Variants in SPATA6 observed in about 807,000 individuals in gnomAD.
SPATA6 encodes spermatogenesis-associated protein 6.
SPATA6 carries 56 observed loss-of-function variants against 65.3 expected under a neutral mutation model. That is an observed-to-expected ratio of 0.86 (90% CI 0.69 to 1.07). SPATA6 has a LOEUF of 1.07. SPATA6 is among the 50% of genes least tolerant of loss of function. The probability of loss-of-function intolerance (pLI) is 0.00; values close to 1 mark genes in which losing one functional copy is unlikely to be tolerated. For synonymous variants in SPATA6, 199 were observed against 213.2 expected, an observed-to-expected ratio of 0.93 and a Z score of 0.58; for missense variants, 590 against 594.8, an observed-to-expected ratio of 0.99 and a Z score of 0.08.
At chr1:48,471,928 C>T (rs1658287587) in intron 1 of SPATA6, 30 bp downstream of exon 1, 1 of 1,609,122 alleles carries the variant, frequency 6.2e-7, no homozygotes, top group Non-Finnish European at 8.5e-7. Context: ...GAGCCAATGC[C>T]CGGGGGTGGG....
At chr1:48,323,684 T>C (rs1645670030) in intron 11 of SPATA6, among the ~76,000 whole-genome samples, 1 of 144,272 alleles carries the variant, frequency 6.9e-6, no homozygotes. Context: ...TTACAAAAGA[T>C]ATGGCAGAAT....
At chr1:48,304,154 C>G (rs75020565) in intron 12 of SPATA6, among the ~76,000 whole-genome samples, 10,077 of 152,228 alleles carry the variant, frequency 0.066, 420 homozygotes, top group Non-Finnish European at 0.093. Flanking sequence ...AAAATAATAT[C>G]CTAATCATTT....
intron 11 of SPATA6, among the ~76,000 whole-genome samples, chr1:48,321,544 A>T (rs1347018359): frequency 6.6e-6 from 1 of 152,186 alleles, no homozygotes; most frequent in East Asian, 1.9e-4. Context: ...ATTAGAGCTA[A>T]AGAGATAGAT....
chr1:48,395,819 C>T (rs1468945039), intron 7 of SPATA6, among the ~76,000 whole-genome samples: 1 of 151,746 alleles, frequency 6.6e-6, no homozygotes, highest in Non-Finnish European at 1.5e-5. Flanking sequence ...TAGTTAACCA[C>T]ATTTCCTAAC....
chr1:48,399,239 A>G, intron 7 of SPATA6, 112 bp downstream of exon 7: 1 of 1,240,730 alleles, frequency 8.1e-7, no homozygotes, highest in African/African-American at 1.5e-5. Flanking sequence ...AGCAGTCAGA[A>G]GAGAAAAGTA....
intron 3 of SPATA6, chr1:48,436,533 T>C: frequency 6.2e-7 from 1 of 1,612,220 alleles, no homozygotes; most frequent in Non-Finnish European, 8.5e-7. Context: ...AAGCCAGCCA[T>C]ATCCTCATTT....
chr1:48,272,106 T>C, the SPATA6 span, among the ~76,000 whole-genome samples: 6 of 152,200 alleles, frequency 3.9e-5, no homozygotes. Context: ...ACTTGACGTT[T>C]TGATATATGT....
intron 1 of SPATA6, among the ~76,000 whole-genome samples, chr1:48,469,475 TATATA>T (rs1557743185): frequency 0.084 from 125 of 1,484 alleles, no homozygotes; most frequent in Admixed American, 0.41. Context: ...TATCTATTTA[TATATA>T]TATATATATA....
intron 3 of SPATA6, among the ~76,000 whole-genome samples, chr1:48,423,927 A>C (rs2490537): frequency 6.6e-6 from 1 of 152,176 alleles, no homozygotes; most frequent in Non-Finnish European, 1.5e-5. Flanking sequence ...TTTAATACAG[A>C]CAGCAATGTA....
At chr1:48,287,078 T>A in the SPATA6 span, among the ~76,000 whole-genome samples, 3 of 151,264 alleles carry the variant, frequency 2.0e-5, no homozygotes, top group African/African-American at 7.3e-5. Context: ...GGCTCACTGT[T>A]TTGCAGGCTG....
At chr1:48,387,452 A>G (rs1479428436) in intron 8 of SPATA6, among the ~76,000 whole-genome samples, 1 of 152,192 alleles carries the variant, frequency 6.6e-6, no homozygotes, top group African/African-American at 2.4e-5. Context: ...TACGAGTGGT[A>G]TACATGCTCC....
intron 1 of SPATA6, among the ~76,000 whole-genome samples, chr1:48,458,131 A>C (rs1657148860): frequency 6.6e-6 from 1 of 151,912 alleles, no homozygotes; most frequent in Non-Finnish European, 1.5e-5. Flanking sequence ...AGCTTAAAAA[A>C]AAGAAAATGT....
At chr1:48,434,952 G>A (rs1654756900) in intron 3 of SPATA6, among the ~76,000 whole-genome samples, 1 of 150,710 alleles carries the variant, frequency 6.6e-6, no homozygotes, top group Non-Finnish European at 1.5e-5. Context: ...AATATCATGG[G>A]CATTTAATAT....
At position 48,296,155 on chromosome 1, in the gene SPATA6, C is replaced by T. The variant is rs1390726010; in HGVS notation, c.*2558G>A. ...ATTATTTCTAGATTTGTGGGAAATA[C>T]AGGAAAAAAAAAAGGCTAAGAGAAT... On this transcript the variant is annotated 3_prime_UTR_variant, in exon 13 of 13. Transcript: ENST00000371847. 6.7e-6 allele frequency: 1 copy of T among 150,210 alleles called. No individual in the cohort carries two copies. Among genetic ancestry groups the T allele is most frequent in the Admixed American group, 6.6e-5 (1 of 15,148 alleles). The allele number at this position is 150,210 out of a possible 1,614,324, so 9.3% of individuals were successfully genotyped here. A position where few individuals can be genotyped will look rare whatever the true frequency, so the allele number is the denominator to read the frequency against.
At chr1:48,365,906 T>A (rs1458561893) in intron 9 of SPATA6, among the ~76,000 whole-genome samples, 1 of 152,200 alleles carries the variant, frequency 6.6e-6, no homozygotes, top group African/African-American at 2.4e-5. Context: ...TTTTTGCCCA[T>A]TCAGTATGAT....
chr1:48,388,629 G>A (rs1449512619), intron 8 of SPATA6, among the ~76,000 whole-genome samples: 3 of 150,988 alleles, frequency 2.0e-5, no homozygotes, highest in Non-Finnish European at 4.4e-5. Context: ...AAACTTTTAC[G>A]AAGGAGATAT....
chr1:48,444,451 C>A (rs1279928395), intron 3 of SPATA6, among the ~76,000 whole-genome samples: 1 of 151,710 alleles, frequency 6.6e-6, no homozygotes, highest in Non-Finnish European at 1.5e-5. Context: ...AGCTAAAGGA[C>A]TGTAAATGCA....
At chr1:48,408,215 C>T (rs1461305383) in intron 5 of SPATA6, among the ~76,000 whole-genome samples, 2 of 152,196 alleles carry the variant, frequency 1.3e-5, no homozygotes, top group African/African-American at 2.4e-5. Context: ...TCTCCTTATT[C>T]GGACTACTCT....
chr1:48,355,521 C>T, intron 11 of SPATA6, 149 bp downstream of exon 11: 1 of 562,036 alleles, frequency 1.8e-6, no homozygotes, highest in Non-Finnish European at 3.2e-6. Context: ...GATATGTTGC[C>T]TTGGGCAAAA....
Sources: allele counts gnomAD v4.1 joint callset (sites outside exome capture counted in the v4.1 genomes callset), GRCh38; gene constraint gnomAD v4.1.1; transcripts MANE v1.5; gene names NCBI Gene and HGNC (gene_info 2026-07-23, HGNC 2026-07-21).